TEC: variants seen among roughly 807,000 people sequenced by gnomAD.
TEC encodes tyrosine-protein kinase Tec.
In TEC, 72 loss-of-function variants were observed where a neutral mutation model predicts 93.0. The ratio of observed to expected loss-of-function variants is 0.77; its 90% CI spans 0.64 to 0.94. The LOEUF (loss-of-function observed/expected upper bound fraction) is 0.94. Among genes scored for constraint, TEC ranks in the 40% least tolerant of loss-of-function variants. TEC has a pLI of 0.00. For synonymous variants in TEC, 249 were observed against 247.7 expected (o/e 1.01, Z -0.05); for missense variants, 630 against 757.9 (o/e 0.83, Z 1.98).
rs910441041 is a variant in TEC at position 48,194,997 on chromosome 4, A to G, written c.139-18811T>C. Among the ~76,000 whole-genome samples, 67 of 152,224 alleles carry G rather than the reference A, an allele frequency of 4.4e-4. 1 individual carries two copies. Among genetic ancestry groups the G allele is most frequent in the African/African-American group, 1.6e-3 (66 of 41,456 alleles). On this transcript the variant is annotated intron_variant, in intron 2 of 17. Transcript: ENST00000381501. The stretch of plus-strand genomic sequence containing the variant: ...ATTTTTAAAACAATTTCTTCCACTG[A>G]CTGAGTGCTTGATGATATTAAGGAA...
intron 1 of TEC, among the ~76,000 whole-genome samples, chr4:48,231,805 T>G (rs1577660274): frequency 6.6e-6 from 1 of 151,966 alleles, no homozygotes; most frequent in Admixed American, 6.6e-5. Flanking sequence ...AGCGATGCTC[T>G]CATAAACGGG....
intron 1 of TEC, among the ~76,000 whole-genome samples, chr4:48,238,702 ATAT>A (rs1169609582): frequency 1.7e-5 from 2 of 116,760 alleles, no homozygotes; most frequent in African/African-American, 7.4e-5. Context: ...ATATAAATTT[ATAT>A]ATTTATATGT....
intron 3 of TEC, among the ~76,000 whole-genome samples, chr4:48,173,396 A>C (rs1164749994): frequency 6.6e-6 from 1 of 152,182 alleles, no homozygotes; most frequent in East Asian, 1.9e-4. Flanking sequence ...TATTTCTACG[A>C]GAAGTTTCTA....
At chr4:48,192,662 T>C (rs1247088264) in intron 2 of TEC, among the ~76,000 whole-genome samples, 1 of 151,586 alleles carries the variant, frequency 6.6e-6, no homozygotes, top group East Asian at 1.9e-4. Flanking sequence ...GAAAAAAAAA[T>C]GAGTAGAAAG....
At chr4:48,172,074 G>C (rs184716200) in intron 3 of TEC, among the ~76,000 whole-genome samples, 92 of 152,312 alleles carry the variant, frequency 6.0e-4, no homozygotes, top group African/African-American at 2.2e-3. Flanking sequence ...TTGCCATTTG[G>C]CTGGTAATCC....
At chr4:48,163,640 A>C in intron 8 of TEC, 62 bp downstream of exon 8, 1 of 1,093,364 alleles carries the variant, frequency 9.1e-7, no homozygotes. Flanking sequence ...AAAATGCCTT[A>C]CATAATTAGG....
intron 2 of TEC, among the ~76,000 whole-genome samples, chr4:48,202,622 G>C (rs111585757): frequency 0.25 from 37,790 of 152,088 alleles, 5,465 homozygotes; most frequent in Admixed American, 0.33. Context: ...TTTCTTCAAG[G>C]CTTACCATAT....
chr4:48,233,340 CTTTTTTTTTTT>C (rs34862159), intron 1 of TEC, among the ~76,000 whole-genome samples: 1 of 138,360 alleles, frequency 7.2e-6, no homozygotes, highest in African/African-American at 2.7e-5. Flanking sequence ...CCAATTGACA[CTTTTTTTTTTT>C]TTTTTTTTTA....
chr4:48,266,284 C>G (rs1724636271), intron 1 of TEC, among the ~76,000 whole-genome samples: 2 of 152,162 alleles, frequency 1.3e-5, no homozygotes, highest in South Asian at 4.1e-4. Flanking sequence ...ACCAGGAGAT[C>G]CAACACAAGA....
In TEC at chr4:48,137,244, A is replaced by T. The variant is rs921093014; in HGVS notation, c.*172T>A. 1.9e-5 allele frequency: 11 copies of T among 594,038 alleles called. No individual in the cohort carries two copies. Among genetic ancestry groups the T allele is most frequent in the Non-Finnish European group, 3.0e-5 (10 of 334,008 alleles). The allele number at this position is 594,038 out of a possible 1,614,324, so 36.8% of individuals were successfully genotyped here. On this transcript the variant is annotated 3_prime_UTR_variant, in exon 18 of 18. Coordinates refer to ENST00000381501, the MANE Select transcript of TEC (RefSeq NM_003215.3). Reference sequence around the variant, plus strand: ...AGGCAACATTTCCACACTCTGGGAGATTCTGTCTAGAAGCAAGTCTAGACA... The same window carrying T: ...AGGCAACATTTCCACACTCTGGGAGTTTCTGTCTAGAAGCAAGTCTAGACA...
At chr4:48,157,323 G>A (rs966881438) in intron 8 of TEC, among the ~76,000 whole-genome samples, 2 of 152,138 alleles carry the variant, frequency 1.3e-5, no homozygotes, top group African/African-American at 4.8e-5. Flanking sequence ...GGTCCCAGGT[G>A]ACAAAAGAAA....
intron 2 of TEC, among the ~76,000 whole-genome samples, chr4:48,226,056 C>G (rs947510520): frequency 5.9e-5 from 9 of 152,042 alleles, no homozygotes; most frequent in African/African-American, 2.2e-4. Flanking sequence ...AGATGGTGAG[C>G]GAGGTTCTGA....
rs778041475 is a variant in TEC, at chr4:48,138,773, T to C, written c.1704A>G (p.Lys568=). 8.1e-6 allele frequency: 13 copies of C among 1,614,092 alleles called. No homozygotes were observed. In the South Asian group the frequency reaches 1.4e-4, roughly 18 times the overall value. ...TGGTTACCACTTCATAATTGGTGTATTTTTCAAAAGGCATTCTGCCTTCCG... is the reference window on the plus strand; with the variant it reads ...TGGTTACCACTTCATAATTGGTGTACTTTTCAAAAGGCATTCTGCCTTCCG... ...VFTEGRMPFE[K]YTNYEVVTMV... Residue 568 remains lysine (K), a synonymous_variant, in exon 17 of 18, where the codon AAA becomes AAG. Transcript: ENST00000381501.
At chr4:48,232,274 G>C (rs1041082027) in intron 1 of TEC, among the ~76,000 whole-genome samples, 2 of 150,474 alleles carry the variant, frequency 1.3e-5, no homozygotes, top group African/African-American at 4.9e-5. Flanking sequence ...GAGTGACAGG[G>C]CAAGACTCTG....
chr4:48,181,672 CAA>C (rs35655873), intron 2 of TEC, among the ~76,000 whole-genome samples: 64 of 106,616 alleles, frequency 6.0e-4, no homozygotes, highest in Admixed American at 1.6e-3. Context: ...GACTCTGTCT[CAA>C]AAAAAAAAAA....
chr4:48,265,994 G>C (rs2136503), intron 1 of TEC, among the ~76,000 whole-genome samples: 106,441 of 152,034 alleles, frequency 0.7, 40,428 homozygotes, highest in Non-Finnish European at 0.86. Context: ...ATTGTAACCT[G>C]TACACAGATT....
intron 2 of TEC, among the ~76,000 whole-genome samples, chr4:48,195,368 T>G (rs947498983): frequency 2.0e-5 from 3 of 152,086 alleles, no homozygotes; most frequent in Admixed American, 6.5e-5. Context: ...TTTTTGAGAA[T>G]AGAAAAAGAG....
chr4:48,201,412 T>A (rs1722503462), intron 2 of TEC, among the ~76,000 whole-genome samples: 1 of 152,134 alleles, frequency 6.6e-6, no homozygotes, highest in Non-Finnish European at 1.5e-5. Context: ...GAACGGATGA[T>A]GTCTTCTAAG....
chr4:48,152,631 C>G (rs1720222230), intron 9 of TEC, among the ~76,000 whole-genome samples: 1 of 152,030 alleles, frequency 6.6e-6, no homozygotes, highest in Non-Finnish European at 1.5e-5. Flanking sequence ...AACAGAAAGA[C>G]TGGCTGGGTA....
Sources: allele counts gnomAD v4.1 joint callset (sites outside exome capture counted in the v4.1 genomes callset), GRCh38; gene constraint gnomAD v4.1.1; transcripts MANE v1.5; gene names NCBI Gene and HGNC (gene_info 2026-07-23, HGNC 2026-07-21).